Variants in SNAP23 observed in about 807,000 individuals in gnomAD.
SNAP23 encodes the protein synaptosomal-associated protein 23.
SNAP23 carries 11 observed loss-of-function variants against 29.0 expected under a neutral mutation model. The ratio of observed to expected loss-of-function variants is 0.38; its 90% CI spans 0.24 to 0.63. The LOEUF is 0.63. Ranked by LOEUF, SNAP23 falls within the 20% of genes least tolerant of loss-of-function variation. The pLI is 0.58. For missense variants in SNAP23, 220 were observed against 253.9 expected (o/e 0.87, Z 0.91); for synonymous variants, 60 against 82.9 (o/e 0.72, Z 1.50).
intron 1 of SNAP23, among the ~76,000 whole-genome samples, chr15:42,508,389 G>C (rs566777886): frequency 6.6e-6 from 1 of 152,290 alleles, no homozygotes; most frequent in East Asian, 1.9e-4. Flanking sequence ...TCCACAGGCA[G>C]TACTGAATCC....
rs2057284739 is a variant in SNAP23, at chr15:42,502,786, T to C, written c.-15+7073T>C. Among the ~76,000 whole-genome samples the C allele has an allele frequency of 2.0e-5, 3 of 152,144 alleles. 1 individual carries two copies. The highest frequency in any genetic ancestry group is 2.0e-4 in the Admixed American group (3 of 15,272). ...CTGTTCACATAACCATTCTCATTGA[T>C]AGGGTTAATAAAATTGATTACAATC... On this transcript the variant is annotated intron_variant, in intron 1 of 7. Transcript: ENST00000249647.
At chr15:42,528,469 C>G (rs1200312790) in intron 6 of SNAP23, 49 bp downstream of exon 6, 1 of 1,578,376 alleles carries the variant, frequency 6.3e-7, no homozygotes, top group Non-Finnish European at 8.7e-7. Context: ...ATGAATGGTT[C>G]ACTTAGGAGA....
intron 5 of SNAP23, among the ~76,000 whole-genome samples, chr15:42,526,730 C>A (rs892298448): frequency 5.3e-5 from 8 of 152,040 alleles, no homozygotes; most frequent in Non-Finnish European, 1.0e-4. Context: ...GAAAGCTTGA[C>A]TTTAGCCAAA....
At chr15:42,514,641 T>TA (rs1429317181) in intron 4 of SNAP23, among the ~76,000 whole-genome samples, 1 of 152,120 alleles carries the variant, frequency 6.6e-6, no homozygotes, top group Non-Finnish European at 1.5e-5. Flanking sequence ...AAAGTACCCT[T>TA]AACTTGGTTG....
intron 6 of SNAP23, 80 bp downstream of exon 6, chr15:42,528,500 C>A (rs2057528615): frequency 3.1e-6 from 4 of 1,296,754 alleles, no homozygotes; most frequent in East Asian, 4.7e-5. Context: ...AGTACATGAC[C>A]CCTAATAAAA....
At chr15:42,500,808 T>A (rs1879660543) in intron 1 of SNAP23, among the ~76,000 whole-genome samples, 1 of 152,216 alleles carries the variant, frequency 6.6e-6, no homozygotes, top group East Asian at 1.9e-4. Flanking sequence ...TGTGTTTTTT[T>A]AAATAGTAAG....
At position 42,526,584 on chromosome 15, in the gene SNAP23, C is replaced by T. The variant is rs185269027; in HGVS notation, c.267-1678C>T. Reference sequence around the variant, plus strand: ...GAAGAAGTCACTTTTTTCATAAAATCTCTTCCCTACCTTTTTAATTTTTGC... The same window carrying T: ...GAAGAAGTCACTTTTTTCATAAAATTTCTTCCCTACCTTTTTAATTTTTGC... On this transcript the variant is annotated intron_variant, in intron 5 of 7. Transcript: ENST00000249647. Among the ~76,000 whole-genome samples the T allele has an allele frequency of 2.0e-5, 3 of 152,256 alleles. No individual in the cohort carries two copies. The East Asian group carries it at 5.8e-4, about 29-fold the overall frequency.
At chr15:42,508,092 C>A (rs1033264416) in intron 1 of SNAP23, among the ~76,000 whole-genome samples, 7 of 151,904 alleles carry the variant, frequency 4.6e-5, no homozygotes, top group African/African-American at 1.2e-4. Context: ...TAGTGAGACC[C>A]TGTCTCTATA....
chr15:42,522,716 TAAAAAAAA>T lies in SNAP23; in HGVS notation c.267-5533_267-5526del, dbSNP rs10553237. 1.5e-4 allele frequency among the ~76,000 whole-genome samples: 16 copies of T among 104,900 alleles called. No individual in the cohort carries two copies. The South Asian group carries it at 4.6e-3, about 30-fold the overall frequency. 68.8% of individuals were successfully genotyped at this position (104,900 alleles called of 152,430 possible). A position where few individuals can be genotyped will look rare whatever the true frequency, so the allele number is the denominator to read the frequency against. Reference sequence around the variant, plus strand: ...AAACTAATATTGATGCAACCAAAACTAAAAAAAAAAAAAAAAAAAAGAAATTATCGTTT... The same window carrying T: ...AAACTAATATTGATGCAACCAAAACTAAAAAAAAAAAAGAAATTATCGTTT... On this transcript the variant is annotated intron_variant, in intron 5 of 7. Coordinates refer to ENST00000249647, the MANE Select transcript of SNAP23 (RefSeq NM_003825.4).
chr15:42,507,171 C>G (rs1056615892), intron 1 of SNAP23, among the ~76,000 whole-genome samples: 1 of 152,088 alleles, frequency 6.6e-6, no homozygotes, highest in Admixed American at 6.6e-5. Context: ...GAGTAGATCC[C>G]GACTTGAATA....
Position 42,499,329 on chromosome 15 carries a change from C to A in SNAP23, c.-15+3616C>A, listed in dbSNP as rs2057249305. On this transcript the variant is annotated intron_variant, in intron 1 of 7. Coordinates refer to ENST00000249647, the MANE Select transcript of SNAP23 (RefSeq NM_003825.4). ...TCAGGTGATCCGCTCGCCTCAGCCT[C>A]CCAAAGTGTTGGGATTACAGGCGTG... Among the ~76,000 whole-genome samples the A allele has an allele frequency of 3.9e-5, 6 of 152,220 alleles. No individual in the cohort carries two copies. The South Asian group carries it at 1.2e-3, about 31-fold the overall frequency.
intron 4 of SNAP23, 26 bp from the exon 5 acceptor site, chr15:42,515,211 G>A (rs1487993714): frequency 1.4e-6 from 2 of 1,430,178 alleles, no homozygotes; most frequent in East Asian, 4.6e-5. Context: ...GGAACACAAA[G>A]TGTTAACTTC....
rs369042336 is a variant in SNAP23, at chr15:42,520,175, C to T, written c.266+4821C>T. Among the ~76,000 whole-genome samples the T allele has an allele frequency of 6.6e-4, 100 of 151,446 alleles. 1 individual carries two copies. Among genetic ancestry groups the T allele is most frequent in the African/African-American group, 2.3e-3 (95 of 41,220 alleles). On this transcript the variant is annotated intron_variant, in intron 5 of 7. Coordinates refer to ENST00000249647, the MANE Select transcript of SNAP23 (RefSeq NM_003825.4). ...AAGTGATTCTGCTGCCTCAGCCTCCCGAGTAGCTGGGATTACAGGCGTGCA... is the reference window on the plus strand; with the variant it reads ...AAGTGATTCTGCTGCCTCAGCCTCCTGAGTAGCTGGGATTACAGGCGTGCA...
intron 5 of SNAP23, among the ~76,000 whole-genome samples, chr15:42,525,451 C>CTTCTT (rs2057492947): frequency 6.4e-5 from 3 of 47,184 alleles, no homozygotes; most frequent in Non-Finnish European, 1.1e-4. Context: ...ATCCAGTCTT[C>CTTCTT]TTTTTTTTTT....
rs1468631046 is a variant in SNAP23 at position 42,508,332 on chromosome 15, C to T, written c.-14-3501C>T. Among the ~76,000 whole-genome samples the T allele has an allele frequency of 2.0e-5, 3 of 151,840 alleles. No individual in the cohort carries two copies. In the East Asian group the frequency reaches 5.8e-4, roughly 29 times the overall value. On this transcript the variant is annotated intron_variant, in intron 1 of 7. Transcript: ENST00000249647. ...TTCATACATGCAAAACTCCCGTCTA[C>T]AGAGGGCGGACTTTTATATCTGCAG...
At chr15:42,510,750 C>T (rs2057352995) in intron 1 of SNAP23, among the ~76,000 whole-genome samples, 1 of 152,132 alleles carries the variant, frequency 6.6e-6, no homozygotes, top group Admixed American at 6.6e-5. Context: ...ATATCCATGG[C>T]AAGGTTTCTC....
chr15:42,511,775 AC>A (rs1242798232), intron 1 of SNAP23, 57 bp from the exon 2 acceptor site: 11 of 1,060,332 alleles, frequency 1.0e-5, no homozygotes, highest in Admixed American at 5.2e-5. Flanking sequence ...GCTCACACAA[AC>A]TTTTATATAT....
At chr15:42,505,309 C>T (rs528757895) in intron 1 of SNAP23, 1 of 152,326 alleles carries the variant, frequency 6.6e-6, no homozygotes, top group South Asian at 2.1e-4. Flanking sequence ...AAGTGATCCG[C>T]CCACCTCTGC....
intron 1 of SNAP23, among the ~76,000 whole-genome samples, chr15:42,508,258 G>A (rs531556693): frequency 6.0e-5 from 8 of 133,714 alleles, no homozygotes; most frequent in African/African-American, 2.3e-4. Context: ...GTGAAGCCTT[G>A]CCTCAAAAAA....
Sources: gnomAD v4.1 joint callset for allele counts (sites outside exome capture counted in the v4.1 genomes callset) on GRCh38, gnomAD v4.1.1 for gene constraint, MANE v1.5 for transcripts, NCBI Gene and HGNC (gene_info 2026-07-23, HGNC 2026-07-21) for gene names.